Variants in ALPK2 observed in about 807,000 individuals in gnomAD.
ALPK2 encodes alpha kinase 2.
ALPK2 carries 127 observed loss-of-function variants against 163.1 expected under a neutral mutation model. That is an observed-to-expected ratio of 0.78 (90% CI 0.67 to 0.90). ALPK2 has a LOEUF of 0.90. ALPK2 is among the 40% of genes least tolerant of loss of function. The pLI is 0.00. For missense variants in ALPK2, 2,360 were observed against 2,589.6 expected (o/e 0.91, Z 1.92); for synonymous variants, 953 against 959.1 (o/e 0.99, Z 0.12).
intron 12 of ALPK2, among the ~76,000 whole-genome samples, chr18:58,483,470 T>TG (rs2051321809): frequency 1.3e-5 from 2 of 152,320 alleles, no homozygotes; most frequent in South Asian, 4.1e-4. Flanking sequence ...AGTTTCTGCC[T>TG]GCAGTATTCC....
chr18:58,571,854 T>A (rs1037772396), intron 4 of ALPK2, among the ~76,000 whole-genome samples: 1 of 151,616 alleles, frequency 6.6e-6, no homozygotes, highest in African/African-American at 2.4e-5. Flanking sequence ...CAGGCGCCTG[T>A]AATCCCAGCT....
chr18:58,500,908 C>T (rs2051428558), intron 11 of ALPK2, among the ~76,000 whole-genome samples: 2 of 152,152 alleles, frequency 1.3e-5, no homozygotes, highest in Admixed American at 1.3e-4. Flanking sequence ...CATCTTTTAC[C>T]CCACAAACCT....
At chr18:58,505,248 T>C (rs2051455921) in intron 10 of ALPK2, among the ~76,000 whole-genome samples, 1 of 151,942 alleles carries the variant, frequency 6.6e-6, no homozygotes, top group Non-Finnish European at 1.5e-5. Flanking sequence ...TTTCCAGCAT[T>C]ATCCATTTGC....
chr18:58,626,244 G>T (rs764540959), intron 1 of ALPK2, among the ~76,000 whole-genome samples: 1 of 152,098 alleles, frequency 6.6e-6, no homozygotes, highest in Non-Finnish European at 1.5e-5. Context: ...CCACAAGCCC[G>T]CTTGTGAATC....
At chr18:58,598,784 A>G (rs1361757750) in intron 3 of ALPK2, among the ~76,000 whole-genome samples, 1 of 152,142 alleles carries the variant, frequency 6.6e-6, no homozygotes, top group Non-Finnish European at 1.5e-5. Flanking sequence ...TTTCTACATG[A>G]GCAATACACC....
At chr18:58,626,684 T>C (rs2052232281) in intron 1 of ALPK2, among the ~76,000 whole-genome samples, 1 of 152,166 alleles carries the variant, frequency 6.6e-6, no homozygotes, top group South Asian at 2.1e-4. Context: ...TCAACTATTT[T>C]TAGTAAAAAA....
chr18:58,582,926 T>C (rs1016907856), intron 3 of ALPK2, among the ~76,000 whole-genome samples: 1 of 152,072 alleles, frequency 6.6e-6, no homozygotes, highest in Non-Finnish European at 1.5e-5. Flanking sequence ...GATAAGTGGG[T>C]TGTGGAAGCC....
chr18:58,485,584 A>C (rs928855129), intron 12 of ALPK2, among the ~76,000 whole-genome samples: 2 of 152,256 alleles, frequency 1.3e-5, no homozygotes, highest in Non-Finnish European at 2.9e-5. Flanking sequence ...AAGGTCAACC[A>C]AAGAAAGGAG....
At chr18:58,507,981 T>C (rs1391289473) in intron 10 of ALPK2, among the ~76,000 whole-genome samples, 1 of 152,170 alleles carries the variant, frequency 6.6e-6, no homozygotes, top group Non-Finnish European at 1.5e-5. Flanking sequence ...CTTGCTCCCA[T>C]AGATAACATT....
chr18:58,536,452 A>G lies in ALPK2; in HGVS notation c.3735T>C (p.Ala1245=), dbSNP rs779718038. ...GTTGTCGTGGTGGCCAGATTTCAGAAGCGGAAGCCTCTAGAGTTATAATCT... is the reference window on the plus strand; with the variant it reads ...GTTGTCGTGGTGGCCAGATTTCAGAGGCGGAAGCCTCTAGAGTTATAATCT... ...KLKIITLEAS[A]SEIWPPRQLT... The change falls in exon 5 of 13, where the codon GCT becomes GCC. Residue 1245 remains alanine, a synonymous_variant. Coordinates refer to ENST00000361673, the MANE Select transcript of ALPK2 (RefSeq NM_052947.4). The G allele has an allele frequency of 6.2e-7, 1 of 1,614,022 alleles. No homozygotes were observed. Among genetic ancestry groups the G allele is most frequent in the South Asian group, 1.1e-5 (1 of 91,084 alleles).
At chr18:58,504,297 T>C in intron 10 of ALPK2, 149 bp from the exon 11 acceptor site, 1 of 647,186 alleles carries the variant, frequency 1.5e-6, no homozygotes, top group Non-Finnish European at 2.6e-6. Flanking sequence ...CCAATGACTT[T>C]TTAGTGGGTA....
At chr18:58,521,173 C>T (rs1264914741) in intron 8 of ALPK2, among the ~76,000 whole-genome samples, 1 of 152,224 alleles carries the variant, frequency 6.6e-6, no homozygotes, top group East Asian at 1.9e-4. Flanking sequence ...CATCAGGGTT[C>T]AGACCCAGGC....
rs554602499 is a variant in ALPK2, at chr18:58,519,861, G to A, written c.5666-2679C>T. Among the ~76,000 whole-genome samples the A allele has an allele frequency of 3.9e-5, 6 of 152,266 alleles. No individual in the cohort carries two copies. In the South Asian group the frequency reaches 1.0e-3, roughly 26 times the overall value. ...TTCCTCAGCGATGGCTGAAATGAGC[G>A]CGTCCTCTTGGTTAGAGTTTGCACC... On this transcript the variant is annotated intron_variant, in intron 8 of 12. Transcript: ENST00000361673.
chr18:58,562,972 T>G (rs1466964296), intron 4 of ALPK2, among the ~76,000 whole-genome samples: 1 of 152,200 alleles, frequency 6.6e-6, no homozygotes, highest in Non-Finnish European at 1.5e-5. Context: ...GCTAATAGTA[T>G]CACATTGGAG....
At chr18:58,624,517 C>T (rs191841625) in intron 1 of ALPK2, among the ~76,000 whole-genome samples, 8 of 151,372 alleles carry the variant, frequency 5.3e-5, no homozygotes, top group African/African-American at 1.2e-4. Context: ...TGCAATGGCA[C>T]GATTTCGGGT....
intron 3 of ALPK2, among the ~76,000 whole-genome samples, chr18:58,594,350 T>C (rs955446246): frequency 6.6e-6 from 1 of 152,148 alleles, no homozygotes; most frequent in Non-Finnish European, 1.5e-5. Context: ...ACCCTTCTTA[T>C]TAAAAGAAAA....
chr18:58,551,110 G>A (rs1295138802), intron 4 of ALPK2, among the ~76,000 whole-genome samples: 6 of 146,710 alleles, frequency 4.1e-5, no homozygotes, highest in Non-Finnish European at 3.0e-5. Context: ...AACAAAAATG[G>A]AAAAAAAAAA....
rs756164408 is a variant in ALPK2, at chr18:58,517,139, GTCT to G, written c.5706_5708del (p.Glu1902del). On this transcript the variant is annotated inframe_deletion, in exon 9 of 13. Transcript: ENST00000361673. ...CCCCAAAGTAGCTGTCATGGAGGAA[GTCT>G]TCTTTGAAGATGAGTTGGCTGAATT... 5.6e-6 allele frequency: 9 copies of G among 1,614,188 alleles called. No individual in the cohort carries two copies. Among genetic ancestry groups the G allele is most frequent in the Non-Finnish European group, 7.6e-6 (9 of 1,180,022 alleles).
intron 5 of ALPK2, among the ~76,000 whole-genome samples, chr18:58,531,935 CAAAAAAAAAAAAAAA>C (rs35957271): frequency 1.0e-4 from 5 of 49,612 alleles, no homozygotes; most frequent in East Asian, 7.0e-4. Flanking sequence ...GGCTCCGTCT[CAAAAAAAAAAAAAAA>C]AAAAAAAAAA....
Sources: allele counts gnomAD v4.1 joint callset (sites outside exome capture counted in the v4.1 genomes callset), GRCh38; gene constraint gnomAD v4.1.1; transcripts MANE v1.5; gene names NCBI Gene and HGNC (gene_info 2026-07-23, HGNC 2026-07-21).